The following CDK5RAP2 variants were observed in gnomAD, a reference collection of about 807,000 sequenced individuals.
CDK5RAP2 encodes CDK5 regulatory subunit associated protein 2.
Under a neutral mutation model 232.9 loss-of-function variants are expected in CDK5RAP2, and 147 were observed. The ratio of observed to expected loss-of-function variants is 0.63; its 90% CI spans 0.55 to 0.72. The LOEUF (loss-of-function observed/expected upper bound fraction) is 0.72, where lower values mean the gene tolerates loss of function less well. Ranked by LOEUF, CDK5RAP2 falls within the 30% of genes least tolerant of loss-of-function variation. The pLI is 0.00. For missense variants in CDK5RAP2, 2,195 were observed against 2,231.5 expected (o/e 0.98, Z 0.33); for synonymous variants, 833 against 833.7 (o/e 1.00, Z 0.01).
chr9:120,556,725 G>A (rs778611763), intron 3 of CDK5RAP2, among the ~76,000 whole-genome samples: 5 of 151,966 alleles, frequency 3.3e-5, no homozygotes, highest in African/African-American at 4.8e-5. Flanking sequence ...CACCACACCC[G>A]GCCCATAAAT....
At chr9:120,460,472 A>T in intron 19 of CDK5RAP2, 100 bp downstream of exon 19, 1 of 1,059,012 alleles carries the variant, frequency 9.4e-7, no homozygotes, top group Non-Finnish European at 1.4e-6. Flanking sequence ...GGATATAGGC[A>T]GAATGAACAG....
At chr9:120,440,636 C>T (rs1388336125) in intron 23 of CDK5RAP2, among the ~76,000 whole-genome samples, 1 of 152,186 alleles carries the variant, frequency 6.6e-6, no homozygotes, top group African/African-American at 2.4e-5. Flanking sequence ...TTTTAAGTGG[C>T]TTATTTATTG....
Position 120,474,024 on chromosome 9 carries a change from G to A in CDK5RAP2, c.1728-2146C>T, listed in dbSNP as rs570763611. 3.2e-4 allele frequency among the ~76,000 whole-genome samples: 48 copies of A among 152,326 alleles called. 1 individual carries two copies. In the South Asian group the frequency reaches 9.7e-3, roughly 31 times the overall value. On this transcript the variant is annotated intron_variant, in intron 15 of 37. Transcript: ENST00000349780. ...GCAGGGCAGACAGGAGCAGAAACAA[G>A]GAGTTAGAGAGATCGAAGCTCAAAA...
intron 12 of CDK5RAP2, among the ~76,000 whole-genome samples, chr9:120,500,837 A>G (rs910229563): frequency 2.0e-5 from 3 of 152,012 alleles, no homozygotes; most frequent in Admixed American, 2.0e-4. Context: ...TGCCTTCCTG[A>G]TTGTGTTTTG....
chr9:120,491,534 G>T, intron 12 of CDK5RAP2, 57 bp from the exon 13 acceptor site: 2 of 1,238,854 alleles, frequency 1.6e-6, no homozygotes, highest in Non-Finnish European at 1.2e-6. Flanking sequence ...AATCTCTTAT[G>T]TGTTTGACTT....
chr9:120,561,555 C>G (rs2042466178), intron 3 of CDK5RAP2, among the ~76,000 whole-genome samples: 1 of 152,082 alleles, frequency 6.6e-6, no homozygotes, highest in East Asian at 1.9e-4. Flanking sequence ...CTGCCTTGGT[C>G]TCCCAAAGTG....
intron 2 of CDK5RAP2, 60 bp from the exon 3 acceptor site, chr9:120,568,448 T>C (rs1430008644): frequency 9.3e-6 from 11 of 1,177,690 alleles, no homozygotes; most frequent in African/African-American, 4.5e-5. Context: ...GTGTTCCTAT[T>C]GGGGAATAGA....
At chr9:120,557,809 G>A (rs2042290540) in intron 3 of CDK5RAP2, among the ~76,000 whole-genome samples, 1 of 144,868 alleles carries the variant, frequency 6.9e-6, no homozygotes, top group Non-Finnish European at 1.5e-5. Context: ...CTGTCACCCA[G>A]GCTGGAGTGC....
chr9:120,418,147 G>T (rs1385431892), intron 27 of CDK5RAP2, among the ~76,000 whole-genome samples: 1 of 152,190 alleles, frequency 6.6e-6, no homozygotes, highest in African/African-American at 2.4e-5. Flanking sequence ...AAAGGCTGAA[G>T]ACACACCAAA....
chr9:120,556,468 A>G (rs1032037544), intron 3 of CDK5RAP2, among the ~76,000 whole-genome samples: 61 of 151,168 alleles, frequency 4.0e-4, no homozygotes, highest in African/African-American at 1.5e-3. Context: ...TCGCTCTGTC[A>G]CCCAGGCTGG....
intron 35 of CDK5RAP2, among the ~76,000 whole-genome samples, chr9:120,400,301 G>A (rs1471829290): frequency 6.6e-6 from 1 of 152,166 alleles, no homozygotes; most frequent in African/African-American, 2.4e-5. Context: ...GAAAGCTGTC[G>A]ATAGGAATCA....
intron 34 of CDK5RAP2, 91 bp from the exon 35 acceptor site, chr9:120,400,976 T>C: frequency 8.3e-6 from 12 of 1,438,470 alleles, no homozygotes; most frequent in South Asian, 4.8e-5. Flanking sequence ...CTCCAGACTG[T>C]AGGGCTTCTG....
intron 12 of CDK5RAP2, among the ~76,000 whole-genome samples, chr9:120,500,036 C>G (rs1359974407): frequency 1.3e-5 from 2 of 152,076 alleles, no homozygotes; most frequent in Non-Finnish European, 2.9e-5. Flanking sequence ...ATTTAAAGTA[C>G]AGAGATGAGA....
Position 120,550,917 on chromosome 9 carries a change from A to G in CDK5RAP2, c.196-15T>C, listed in dbSNP as rs1316903050. On this transcript the variant is annotated splice_polypyrimidine_tract_variant and intron_variant, in intron 3 of 37. Transcript: ENST00000349780. The stretch of plus-strand genomic sequence containing the variant: ...TCAGTGATTTGCTGAAAAATATCAC[A>G]GAAGGGTCATCAAAAGCAAACAAAA... 1 of 1,482,396 alleles carries G rather than the reference A, an allele frequency of 6.7e-7. No homozygotes were observed. The highest frequency in any genetic ancestry group is 9.4e-7 in the Non-Finnish European group (1 of 1,059,888). The allele number at this position is 1,482,396 out of a possible 1,614,324, so 91.8% of individuals were successfully genotyped here.
At chr9:120,508,807 T>C (rs1337436507) in intron 12 of CDK5RAP2, among the ~76,000 whole-genome samples, 5 of 152,248 alleles carry the variant, frequency 3.3e-5, no homozygotes, top group African/African-American at 4.8e-5. Context: ...TTCCAAAGCA[T>C]TCGGTCCATT....
chr9:120,465,596 G>C (rs1165299055), intron 18 of CDK5RAP2, among the ~76,000 whole-genome samples: 1 of 151,820 alleles, frequency 6.6e-6, no homozygotes, highest in Admixed American at 6.6e-5. Flanking sequence ...AAAAGTTGTT[G>C]GGGGGAGGGG....
At chr9:120,533,651 A>G (rs748927907) in intron 7 of CDK5RAP2, among the ~76,000 whole-genome samples, 4 of 151,928 alleles carry the variant, frequency 2.6e-5, no homozygotes, top group Non-Finnish European at 4.4e-5. Context: ...AAAATTAGCC[A>G]GGCTTTTTTG....
At chr9:120,494,066 T>C (rs2039035987) in intron 12 of CDK5RAP2, among the ~76,000 whole-genome samples, 1 of 142,556 alleles carries the variant, frequency 7.0e-6, no homozygotes, top group Non-Finnish European at 1.5e-5. Flanking sequence ...CACTCCAGCC[T>C]GGGCAGTACA....
intron 14 of CDK5RAP2, among the ~76,000 whole-genome samples, chr9:120,478,141 C>A (rs922469640): frequency 6.6e-6 from 1 of 152,216 alleles, no homozygotes; most frequent in Non-Finnish European, 1.5e-5. Context: ...AAGTTACTTA[C>A]TAGGAGCCTT....
Sources: gnomAD v4.1 joint callset for allele counts (sites outside exome capture counted in the v4.1 genomes callset) on GRCh38, gnomAD v4.1.1 for gene constraint, MANE v1.5 for transcripts, NCBI Gene and HGNC (gene_info 2026-07-23, HGNC 2026-07-21) for gene names.